MCHR2: variants seen among roughly 807,000 people sequenced by gnomAD.
The protein encoded by MCHR2 is melanin-concentrating hormone receptor 2.
MCHR2 carries 15 observed loss-of-function variants against 24.8 expected under a neutral mutation model. The observed-to-expected ratio is 0.60, with a 90% CI of 0.40 to 0.93. MCHR2 has a LOEUF of 0.93. MCHR2 is among the 40% of genes least tolerant of loss of function. The pLI, the probability that MCHR2 is intolerant of heterozygous loss-of-function variation, is 0.00. For synonymous variants in MCHR2, 151 were observed against 147.6 expected, an observed-to-expected ratio of 1.02 and a Z score of -0.17; for missense variants, 386 against 408.7, an observed-to-expected ratio of 0.94 and a Z score of 0.48.
At chr6:99,979,315 C>A (rs964003960) in intron 1 of MCHR2, among the ~76,000 whole-genome samples, 2 of 152,046 alleles carry the variant, frequency 1.3e-5, no homozygotes, top group African/African-American at 2.4e-5. Context: ...TCACTGAGGG[C>A]AGGAGTCATG....
intron 1 of MCHR2, among the ~76,000 whole-genome samples, chr6:99,981,936 C>T (rs1051594870): frequency 6.6e-6 from 1 of 152,154 alleles, no homozygotes; most frequent in African/African-American, 2.4e-5. Flanking sequence ...CGACTGTAAA[C>T]ATATGGTGTA....
At chr6:99,940,131 T>A (rs1370411630) in intron 4 of MCHR2, among the ~76,000 whole-genome samples, 1 of 152,066 alleles carries the variant, frequency 6.6e-6, no homozygotes, top group Non-Finnish European at 1.5e-5. Context: ...TACATCTTTC[T>A]CAATTTGGGG....
chr6:99,921,335 A>T, intron 5 of MCHR2, 80 bp from the exon 6 acceptor site: 1 of 1,302,004 alleles, frequency 7.7e-7, no homozygotes, highest in Non-Finnish European at 1.1e-6. Flanking sequence ...AACCTTTTGG[A>T]CAGTTCATAA....
intron 2 of MCHR2, among the ~76,000 whole-genome samples, 194 bp from the exon 3 acceptor site, chr6:99,948,165 T>A (rs1342697661): frequency 6.6e-6 from 1 of 152,128 alleles, no homozygotes; most frequent in Non-Finnish European, 1.5e-5. Context: ...TAACTTACTG[T>A]GGTGGTTTAA....
At chr6:99,993,478 T>A (rs983651580) in intron 1 of MCHR2, among the ~76,000 whole-genome samples, 20 of 152,254 alleles carry the variant, frequency 1.3e-4, no homozygotes, top group African/African-American at 4.8e-4. Context: ...ACTGAATTTG[T>A]CTTTTCTAGT....
chr6:99,932,701 T>C (rs1418906512), intron 5 of MCHR2, among the ~76,000 whole-genome samples: 1 of 152,122 alleles, frequency 6.6e-6, no homozygotes, highest in African/African-American at 2.4e-5. Flanking sequence ...ACAGGATACC[T>C]GGCCAGTGCT....
rs1383827924 is a variant in MCHR2, at chr6:99,926,734, C to T, written c.708-5479G>A. 9.2e-5 allele frequency among the ~76,000 whole-genome samples: 14 copies of T among 152,056 alleles called. No individual in the cohort carries two copies. The East Asian group carries it at 2.3e-3, about 25-fold the overall frequency. ...TGAGTTCATTGTAGATTCTGGATAT[C>T]AGCCCTTTGTCAGATGAGTAGGTTG... On this transcript the variant is annotated intron_variant, in intron 5 of 5. Transcript: ENST00000281806.
chr6:99,956,726 CA>C (rs1775069750), intron 1 of MCHR2, among the ~76,000 whole-genome samples: 1 of 152,040 alleles, frequency 6.6e-6, no homozygotes, highest in South Asian at 2.1e-4. Flanking sequence ...GCGTTGTAGC[CA>C]GCGGAGGCAC....
intron 1 of MCHR2, among the ~76,000 whole-genome samples, chr6:99,965,106 T>C (rs111628513): frequency 3.2e-4 from 49 of 152,264 alleles, no homozygotes; most frequent in African/African-American, 1.2e-3. Flanking sequence ...CTGGCTTTCT[T>C]GTCCTTGGTA....
At chr6:99,955,131 A>T (rs889579279) in intron 2 of MCHR2, among the ~76,000 whole-genome samples, 2 of 152,198 alleles carry the variant, frequency 1.3e-5, no homozygotes, top group African/African-American at 4.8e-5. Flanking sequence ...AGAAACTAGG[A>T]TGAAAAATTT....
chr6:99,946,399 A>G (rs1229820099), intron 3 of MCHR2, among the ~76,000 whole-genome samples: 1 of 152,216 alleles, frequency 6.6e-6, no homozygotes, highest in African/African-American at 2.4e-5. Flanking sequence ...TGAATTATTT[A>G]TATGAACTTT....
intron 1 of MCHR2, among the ~76,000 whole-genome samples, chr6:99,969,728 A>G (rs992581527): frequency 9.7e-6 from 1 of 103,388 alleles, no homozygotes; most frequent in Non-Finnish European, 1.8e-5. Context: ...CCACCCCACA[A>G]CAGTCCCCAG....
At chr6:99,959,070 T>A (rs1775126500) in intron 1 of MCHR2, among the ~76,000 whole-genome samples, 2 of 152,084 alleles carry the variant, frequency 1.3e-5, no homozygotes, top group South Asian at 4.1e-4. Flanking sequence ...TATGCAGTGT[T>A]CTGGCTTTTG....
At chr6:99,925,951 A>C (rs913944937) in intron 5 of MCHR2, among the ~76,000 whole-genome samples, 2 of 151,936 alleles carry the variant, frequency 1.3e-5, no homozygotes, top group Non-Finnish European at 2.9e-5. Context: ...GTCATTTAGC[A>C]TTAGGTATAT....
At chr6:99,971,808 A>G (rs1334856834) in intron 1 of MCHR2, among the ~76,000 whole-genome samples, 1 of 152,150 alleles carries the variant, frequency 6.6e-6, no homozygotes, top group Admixed American at 6.5e-5. Context: ...TTCTGCATCT[A>G]TTGAGATAAT....
chr6:99,979,944 G>T (rs1044288794), intron 1 of MCHR2, among the ~76,000 whole-genome samples: 1 of 152,158 alleles, frequency 6.6e-6, no homozygotes, highest in Admixed American at 6.5e-5. Flanking sequence ...TTTGTAAATG[G>T]CTTGGCACTT....
chr6:99,975,427 G>A (rs558878906), intron 1 of MCHR2, among the ~76,000 whole-genome samples: 61 of 152,294 alleles, frequency 4.0e-4, no homozygotes, highest in East Asian at 1.6e-3. Flanking sequence ...TTGGAAAACC[G>A]CAGTATTAGG....
At chr6:99,933,891 C>T (rs1298004352) in intron 5 of MCHR2, among the ~76,000 whole-genome samples, 1 of 151,920 alleles carries the variant, frequency 6.6e-6, no homozygotes, top group African/African-American at 2.4e-5. Context: ...TTCAAAGGTC[C>T]TTCTCAAGTT....
rs187469573 is a variant in MCHR2 at position 99,975,890 on chromosome 6, C to T, written c.-28+18046G>A. Among the ~76,000 whole-genome samples, 251 of 152,316 alleles carry T rather than the reference C, an allele frequency of 1.6e-3. 1 individual carries two copies. The highest frequency in any genetic ancestry group is 5.7e-3 in the African/African-American group (237 of 41,562). On this transcript the variant is annotated intron_variant, in intron 1 of 5. Coordinates refer to ENST00000281806, the MANE Select transcript of MCHR2 (RefSeq NM_001040179.2). ...ATGTCACTTTTCAATCACAAACATT[C>T]ATAGCATCCTTCATTTGAATTCTTT... is the stretch of plus-strand genomic sequence containing the variant.
Sources: gnomAD v4.1 joint callset for allele counts (sites outside exome capture counted in the v4.1 genomes callset) on GRCh38, gnomAD v4.1.1 for gene constraint, MANE v1.5 for transcripts, NCBI Gene and HGNC (gene_info 2026-07-23, HGNC 2026-07-21) for gene names.